WDFY1: variants seen among roughly 807,000 people sequenced by gnomAD.
The protein encoded by WDFY1 is WD repeat and FYVE domain-containing protein 1.
WDFY1 carries 32 observed loss-of-function variants against 56.4 expected under a neutral mutation model. That is an observed-to-expected ratio of 0.57 (90% CI 0.43 to 0.76). The LOEUF (loss-of-function observed/expected upper bound fraction) is 0.76. Among genes scored for constraint, WDFY1 ranks in the 30% least tolerant of loss-of-function variants. The pLI is 0.00. For missense variants in WDFY1, 480 were observed against 545.7 expected (o/e 0.88, Z 1.20); for synonymous variants, 192 against 197.3 (o/e 0.97, Z 0.23).
intron 1 of WDFY1, among the ~76,000 whole-genome samples, chr2:223,933,479 A>G (rs1280394854): frequency 6.6e-6 from 1 of 152,078 alleles, no homozygotes. Context: ...AGCAGGAATA[A>G]TCTAGACAGG....
chr2:223,881,713 G>A (rs1051366764), intron 10 of WDFY1, among the ~76,000 whole-genome samples: 9 of 152,014 alleles, frequency 5.9e-5, no homozygotes, highest in Non-Finnish European at 1.0e-4. Flanking sequence ...GCTTGAACCC[G>A]GGAGGCAGAG....
intron 1 of WDFY1, among the ~76,000 whole-genome samples, chr2:223,921,210 G>A (rs1171713852): frequency 1.3e-5 from 2 of 152,188 alleles, no homozygotes; most frequent in African/African-American, 4.8e-5. Context: ...AAAACTAGTA[G>A]TTGGTCTTTA....
chr2:223,901,222 A>C lies in WDFY1; in HGVS notation c.446T>G (p.Leu149Arg). ...CCAGGACGTGAAGAAGTGCCTCCCG[A>C]GCATGTTCCCGCTCCGCGTGCACAT... is the stretch of plus-strand genomic sequence containing the variant. ...SWMCTRSGNMLGRHFFTSWAS... is the reference protein window; with the variant it reads ...SWMCTRSGNMRGRHFFTSWAS... Residue 149 changes from leucine to arginine, a missense_variant, in exon 5 of 12, where the codon CTC becomes CGC. Physicochemically the swap from Leu to Arg is moderately radical, Grantham distance 102. Coordinates refer to ENST00000233055, the MANE Select transcript of WDFY1 (RefSeq NM_020830.5). 1.2e-6 allele frequency: 2 copies of C among 1,614,064 alleles called. No individual in the cohort carries two copies. Among genetic ancestry groups the C allele is most frequent in the Non-Finnish European group, 1.7e-6 (2 of 1,179,982 alleles).
chr2:223,889,254 G>A (rs1334056082), intron 8 of WDFY1, among the ~76,000 whole-genome samples: 6 of 152,088 alleles, frequency 3.9e-5, no homozygotes, highest in Non-Finnish European at 5.9e-5. Flanking sequence ...CAAGTGGTTC[G>A]TAGCAAGTCG....
chr2:223,909,693 T>A (rs519275), intron 3 of WDFY1, among the ~76,000 whole-genome samples: 3 of 151,862 alleles, frequency 2.0e-5, no homozygotes, highest in Admixed American at 6.6e-5. Flanking sequence ...GGCTGTCATC[T>A]GACTTCTCTT....
intron 8 of WDFY1, among the ~76,000 whole-genome samples, chr2:223,891,188 C>T (rs1333559290): frequency 6.6e-6 from 1 of 151,928 alleles, no homozygotes; most frequent in Non-Finnish European, 1.5e-5. Context: ...CCAGCCTGGT[C>T]AACATGGTGA....
chr2:223,900,344 G>A (rs1463529435), intron 5 of WDFY1, among the ~76,000 whole-genome samples: 3 of 152,166 alleles, frequency 2.0e-5, no homozygotes, highest in African/African-American at 4.8e-5. Flanking sequence ...CTCATGCTGT[G>A]CATTCATTTG....
chr2:223,923,284 T>C (rs1693920233), intron 1 of WDFY1, among the ~76,000 whole-genome samples: 1 of 152,244 alleles, frequency 6.6e-6, no homozygotes, highest in Non-Finnish European at 1.5e-5. Flanking sequence ...AATATACGAA[T>C]GTATTTTGTA....
chr2:223,934,753 T>G (rs946500838), intron 1 of WDFY1, among the ~76,000 whole-genome samples: 2 of 152,152 alleles, frequency 1.3e-5, no homozygotes, highest in South Asian at 4.1e-4. Flanking sequence ...ACTCCTGACC[T>G]CAGGTGATCC....
intron 1 of WDFY1, among the ~76,000 whole-genome samples, chr2:223,942,526 A>ATTTTTTTTTTTTTTT (rs1559178420): frequency 1.3e-5 from 1 of 78,770 alleles, no homozygotes; most frequent in African/African-American, 5.8e-5. Context: ...CCAAAGGCTA[A>ATTTTTTTTTTTTTTT]CTTTTTTTTT....
At chr2:223,944,244 C>T (rs745747085) in intron 1 of WDFY1, among the ~76,000 whole-genome samples, 1 of 152,212 alleles carries the variant, frequency 6.6e-6, no homozygotes, top group Non-Finnish European at 1.5e-5. Context: ...AAGCAAGCCC[C>T]GGGCACCAGG....
At chr2:223,900,106 C>T (rs186741971) in intron 5 of WDFY1, among the ~76,000 whole-genome samples, 1 of 152,264 alleles carries the variant, frequency 6.6e-6, no homozygotes, top group East Asian at 1.9e-4. Context: ...GACATGTTAA[C>T]TACTATTTGT....
At chr2:223,887,353 C>T (rs1351078688) in intron 8 of WDFY1, among the ~76,000 whole-genome samples, 2 of 152,158 alleles carry the variant, frequency 1.3e-5, no homozygotes, top group Admixed American at 6.6e-5. Context: ...CAAAAAGCAG[C>T]ACAAAAATGT....
At chr2:223,898,917 A>G (rs747355247) in intron 6 of WDFY1, 41 bp downstream of exon 6, 3 of 1,541,814 alleles carry the variant, frequency 1.9e-6, no homozygotes, top group Non-Finnish European at 2.7e-6. Flanking sequence ...TTGGATGTCC[A>G]AGTTAGGCAA....
At position 223,875,746 on chromosome 2, in the gene WDFY1, C is replaced by T. The variant is rs1031058699; in HGVS notation, c.*2925G>A. 1.3e-5 allele frequency: 2 copies of T among 152,114 alleles called. No individual in the cohort carries two copies. The highest frequency in any genetic ancestry group is 2.9e-5 in the Non-Finnish European group (2 of 68,012). The allele number at this position is 152,114 out of a possible 1,614,324, so 9.4% of individuals were successfully genotyped here. A position where few individuals can be genotyped will look rare whatever the true frequency, so the allele number is the denominator to read the frequency against. ...ACTTATTTGTTAAGCCTTACACTTA[C>T]GATGAGCAGATGGTTTATCACTATA... On this transcript the variant is annotated 3_prime_UTR_variant, in exon 12 of 12. Transcript: ENST00000233055.
rs1692980207 is a variant in WDFY1, at chr2:223,876,793, G to C, written c.*1878C>G. ...AACCACAGTTCTGCACTCTTCCACA[G>C]GGCAAGGAATTGATCATATTCTATT... On this transcript the variant is annotated 3_prime_UTR_variant, in exon 12 of 12. Transcript: ENST00000233055. The C allele has an allele frequency of 6.6e-6, 1 of 152,156 alleles. No individual in the cohort carries two copies. The highest frequency in any genetic ancestry group is 1.5e-5 in the Non-Finnish European group (1 of 68,020). The allele number at this position is 152,156 out of a possible 1,614,324, so 9.4% of individuals were successfully genotyped here.
rs545018760 is a variant in WDFY1 at position 223,909,879 on chromosome 2, G to C, written c.279+2374C>G. On this transcript the variant is annotated intron_variant, in intron 3 of 11. Transcript: ENST00000233055. ...ATCTGTTCTCTACCCAGTAGCTAGG[G>C]TGATCTTCGAAAAATGTAAATTACA... is the stretch of plus-strand genomic sequence containing the variant. 8.5e-5 allele frequency among the ~76,000 whole-genome samples: 13 copies of C among 152,224 alleles called. No individual in the cohort carries two copies. In the East Asian group the frequency reaches 1.5e-3, roughly 18 times the overall value.
At chr2:223,891,803 C>G (rs1296736547) in intron 8 of WDFY1, among the ~76,000 whole-genome samples, 3 of 152,170 alleles carry the variant, frequency 2.0e-5, no homozygotes. Context: ...CCAGGGAATA[C>G]AGCCTTTCTC....
intron 8 of WDFY1, among the ~76,000 whole-genome samples, chr2:223,889,980 G>A (rs1369034439): frequency 6.6e-6 from 1 of 152,164 alleles, no homozygotes; most frequent in East Asian, 1.9e-4. Flanking sequence ...AACTGTCAAT[G>A]AGTACACGCA....
Sources: gnomAD v4.1 joint callset for allele counts (sites outside exome capture counted in the v4.1 genomes callset) on GRCh38, gnomAD v4.1.1 for gene constraint, MANE v1.5 for transcripts, NCBI Gene and HGNC (gene_info 2026-07-23, HGNC 2026-07-21) for gene names.